The following KATNAL1 variants were observed in gnomAD, a reference collection of about 807,000 sequenced individuals.
KATNAL1 encodes katanin p60 ATPase-containing subunit A-like 1.
A neutral mutation model predicts 55.2 loss-of-function variants in KATNAL1; 32 were observed. The ratio of observed to expected loss-of-function variants is 0.58; its 90% CI spans 0.44 to 0.78. The LOEUF (loss-of-function observed/expected upper bound fraction) is 0.78, where lower values mean the gene tolerates loss of function less well. Ranked by LOEUF, KATNAL1 falls within the 30% of genes least tolerant of loss-of-function variation. The probability of loss-of-function intolerance (pLI) is 0.00; values close to 1 mark genes in which losing one functional copy is unlikely to be tolerated. For synonymous variants in KATNAL1, 193 were observed against 193.6 expected (o/e 1.00, Z 0.02); for missense variants, 466 against 600.9 (o/e 0.78, Z 2.35).
intron 1 of KATNAL1, among the ~76,000 whole-genome samples, chr13:30,284,893 T>G (rs75026550): frequency 0.02 from 3,080 of 152,296 alleles, 38 homozygotes; most frequent in Non-Finnish European, 0.032. Context: ...CTAAAAAGAA[T>G]AGCAAGTCCA....
At chr13:30,261,044 A>G (rs987921345) in intron 3 of KATNAL1, among the ~76,000 whole-genome samples, 5 of 152,166 alleles carry the variant, frequency 3.3e-5, no homozygotes, top group African/African-American at 2.4e-5. Flanking sequence ...TACAAGCCAG[A>G]AGAGAGTGGG....
At chr13:30,278,726 T>C (rs1041676276) in intron 3 of KATNAL1, among the ~76,000 whole-genome samples, 1 of 152,230 alleles carries the variant, frequency 6.6e-6, no homozygotes. Flanking sequence ...AAACAAGGTA[T>C]TTCATTGTAC....
intron 4 of KATNAL1, among the ~76,000 whole-genome samples, chr13:30,249,007 C>T (rs1229068584): frequency 1.3e-5 from 2 of 151,784 alleles, no homozygotes; most frequent in Non-Finnish European, 2.9e-5. Context: ...TGCAGTGAGC[C>T]CAGATGGTGC....
chr13:30,238,967 C>G (rs1464614290), intron 6 of KATNAL1, among the ~76,000 whole-genome samples: 1 of 152,102 alleles, frequency 6.6e-6, no homozygotes, highest in African/African-American at 2.4e-5. Flanking sequence ...CCTATTTGGA[C>G]TTCAATTTTC....
intron 4 of KATNAL1, among the ~76,000 whole-genome samples, chr13:30,251,444 G>A (rs1878308188): frequency 6.6e-6 from 1 of 152,110 alleles, no homozygotes; most frequent in Non-Finnish European, 1.5e-5. Context: ...AGGTCAATGA[G>A]GCTTCTGCCC....
rs1873113374 is a variant in KATNAL1, at chr13:30,205,999, AG to A, written c.*2540del. 1 of 147,606 alleles carries A rather than the reference AG, an allele frequency of 6.8e-6. No individual in the cohort carries two copies. The highest frequency in any genetic ancestry group is 2.5e-5 in the African/African-American group (1 of 39,926). The allele number at this position is 147,606 out of a possible 1,614,324, so 9.1% of individuals were successfully genotyped here. On this transcript the variant is annotated 3_prime_UTR_variant, in exon 11 of 11. Transcript: ENST00000380615. ...GTGTGTGTGTTGTATATTAAAAGTT[AG>A]GGCCAGGTGCGGTGGATCACACCTG...
At position 30,204,589 on chromosome 13, in the gene KATNAL1, CAG is replaced by C. The variant is rs1566077098; in HGVS notation, c.*3949_*3950del. Reference sequence around the variant, plus strand: ...AGAGTACTAATAATTTCATGTTCAACAGAGTCAGGCTATACAAAACAAAGTCA... The same window carrying C: ...AGAGTACTAATAATTTCATGTTCAACAGTCAGGCTATACAAAACAAAGTCA... On this transcript the variant is annotated 3_prime_UTR_variant, in exon 11 of 11. Transcript: ENST00000380615. 6.6e-6 allele frequency: 1 copy of C among 152,200 alleles called. No homozygotes were observed. Among genetic ancestry groups the C allele is most frequent in the African/African-American group, 2.4e-5 (1 of 41,446 alleles). 9.4% of individuals were successfully genotyped at this position (152,200 alleles called of 1,614,324 possible). A position where few individuals can be genotyped will look rare whatever the true frequency, so the allele number is the denominator to read the frequency against.
intron 1 of KATNAL1, among the ~76,000 whole-genome samples, chr13:30,299,314 T>C (rs546255955): frequency 1.3e-5 from 2 of 152,182 alleles, no homozygotes; most frequent in East Asian, 3.9e-4. Flanking sequence ...GTCTACAAAA[T>C]AGGAAAAATA....
Position 30,303,880 on chromosome 13 carries a change from C to T in KATNAL1, c.-15+3451G>A, listed in dbSNP as rs1194907056. 7.6e-4 allele frequency among the ~76,000 whole-genome samples: 115 copies of T among 152,176 alleles called. 2 individuals carry two copies. The highest frequency in any genetic ancestry group is 7.5e-3 in the Admixed American group (114 of 15,282). Reference sequence around the variant, plus strand: ...TCATCACTTTGTAATATAACTACTACCTGATCCACCTGCTTAATATGGTCA... The same window carrying T: ...TCATCACTTTGTAATATAACTACTATCTGATCCACCTGCTTAATATGGTCA... On this transcript the variant is annotated intron_variant, in intron 1 of 10. Coordinates refer to ENST00000380615, the MANE Select transcript of KATNAL1 (RefSeq NM_032116.5).
At chr13:30,214,220 A>G (rs575143244) in intron 9 of KATNAL1, among the ~76,000 whole-genome samples, 39 of 151,864 alleles carry the variant, frequency 2.6e-4, no homozygotes, top group African/African-American at 8.0e-4. Flanking sequence ...TACAAGGGAC[A>G]TGAAGGACCT....
At position 30,259,366 on chromosome 13, in the gene KATNAL1, G is replaced by T. The variant is rs911264190; in HGVS notation, c.324-3751C>A. ...AAGAAAAAAAAAAAAGTGGGGGGAG[G>T]AGCCAAGATGGCCCAATAGGAACAG... On this transcript the variant is annotated intron_variant, in intron 3 of 10. Coordinates refer to ENST00000380615, the MANE Select transcript of KATNAL1 (RefSeq NM_032116.5). Among the ~76,000 whole-genome samples the T allele has an allele frequency of 9.9e-5, 15 of 152,006 alleles. No homozygotes were observed. In the South Asian group the frequency reaches 2.3e-3, roughly 23 times the overall value.
intron 1 of KATNAL1, among the ~76,000 whole-genome samples, chr13:30,285,246 A>G (rs1299393646): frequency 1.3e-5 from 2 of 152,218 alleles, no homozygotes; most frequent in African/African-American, 2.4e-5. Context: ...CTTGAGAATC[A>G]CACTGCAACA....
chr13:30,284,875 T>A (rs1881672084), intron 1 of KATNAL1, among the ~76,000 whole-genome samples: 1 of 152,098 alleles, frequency 6.6e-6, no homozygotes, highest in African/African-American at 2.4e-5. Flanking sequence ...GATACTTTCC[T>A]CCCAAGACTA....
chr13:30,215,627 G>A (rs1031704486), intron 9 of KATNAL1, among the ~76,000 whole-genome samples: 3 of 152,264 alleles, frequency 2.0e-5, no homozygotes, highest in Non-Finnish European at 4.4e-5. Flanking sequence ...CCTTTGTAGG[G>A]ACATGGATGA....
intron 9 of KATNAL1, among the ~76,000 whole-genome samples, chr13:30,220,330 G>A (rs73163462): frequency 0.014 from 2,069 of 152,008 alleles, 29 homozygotes; most frequent in South Asian, 0.045. Flanking sequence ...GTGTGGGGTC[G>A]TGTGCCTGTA....
At chr13:30,212,640 C>T (rs76423093) in intron 9 of KATNAL1, among the ~76,000 whole-genome samples, 1,970 of 152,346 alleles carry the variant, frequency 0.013, 15 homozygotes, top group Non-Finnish European at 0.02. Context: ...CACTACCTAG[C>T]AATTCACTCC....
intron 3 of KATNAL1, among the ~76,000 whole-genome samples, chr13:30,271,988 A>G (rs1880413888): frequency 6.6e-6 from 1 of 152,088 alleles, no homozygotes; most frequent in Admixed American, 6.5e-5. Flanking sequence ...TATGAAGGTT[A>G]AACAATGTAA....
intron 3 of KATNAL1, among the ~76,000 whole-genome samples, chr13:30,257,033 T>C (rs1259977992): frequency 6.6e-6 from 1 of 152,242 alleles, no homozygotes; most frequent in Non-Finnish European, 1.5e-5. Context: ...AAAGTATTAT[T>C]ACATTATCAT....
intron 9 of KATNAL1, 54 bp from the exon 10 acceptor site, chr13:30,210,496 G>T (rs1470679331): frequency 4.6e-6 from 7 of 1,530,960 alleles, no homozygotes; most frequent in Non-Finnish European, 6.2e-6. Context: ...AAATAATTTT[G>T]CTGAGAAATG....
Sources: gnomAD v4.1 joint callset for allele counts (sites outside exome capture counted in the v4.1 genomes callset) on GRCh38, gnomAD v4.1.1 for gene constraint, MANE v1.5 for transcripts, NCBI Gene and HGNC (gene_info 2026-07-23, HGNC 2026-07-21) for gene names.